The following KDELR2 variants were observed in gnomAD, a reference collection of about 807,000 sequenced individuals.
KDELR2 encodes the protein KDEL endoplasmic reticulum protein retention receptor 2, also known as ER lumen protein-retaining receptor 2.
Under a neutral mutation model 23.9 loss-of-function variants are expected in KDELR2, and 15 were observed. The observed-to-expected ratio is 0.63, with a 90% CI of 0.42 to 0.97. The LOEUF (loss-of-function observed/expected upper bound fraction) is 0.97, where lower values mean the gene tolerates loss of function less well. Ranked by LOEUF, KDELR2 falls within the 50% of genes least tolerant of loss-of-function variation. The pLI is 0.00. For missense variants in KDELR2, 272 were observed against 254.6 expected (o/e 1.07, Z -0.46); for synonymous variants, 119 against 106.2 (o/e 1.12, Z -0.74).
In KDELR2 at chr7:6,462,842, A is replaced by G. The variant is rs1222174212; in HGVS notation, c.*299T>C. 2.3e-6 allele frequency: 2 copies of G among 851,766 alleles called. No homozygotes were observed. The highest frequency in any genetic ancestry group is 3.6e-5 in the Admixed American group (1 of 28,002). The allele number at this position is 851,766 out of a possible 1,614,324, so 52.8% of individuals were successfully genotyped here. ...AAAAAAATTTGCACTTATTCCTCAC[A>G]AAATCTTCACTTTTGGAACTATCCC... On this transcript the variant is annotated 3_prime_UTR_variant, in exon 5 of 5. Transcript: ENST00000258739.
chr7:6,464,723 CTCTT>C (rs1289280847), intron 4 of KDELR2, among the ~76,000 whole-genome samples: 5 of 140,658 alleles, frequency 3.6e-5, no homozygotes, highest in Admixed American at 1.5e-4. Context: ...GACATATATG[CTCTT>C]TTTTTTCTTT....
At chr7:6,469,428 TG>T (rs1449027631) in intron 3 of KDELR2, among the ~76,000 whole-genome samples, 167 bp downstream of exon 3, 1 of 152,160 alleles carries the variant, frequency 6.6e-6, no homozygotes, top group African/African-American at 2.4e-5. Context: ...GCTAATTTTT[TG>T]TATTTTTAGT....
chr7:6,470,843 G>T (rs988634866), intron 2 of KDELR2, among the ~76,000 whole-genome samples: 2 of 152,022 alleles, frequency 1.3e-5, no homozygotes, highest in African/African-American at 4.8e-5. Flanking sequence ...GGCTGGGCAT[G>T]GTGGCTCACG....
At chr7:6,464,725 CTTT>C (rs946547515) in intron 4 of KDELR2, among the ~76,000 whole-genome samples, 1 of 123,430 alleles carries the variant, frequency 8.1e-6, no homozygotes, top group Admixed American at 8.6e-5. Flanking sequence ...CATATATGCT[CTTT>C]TTTTTCTTTT....
At chr7:6,466,379 G>C (rs910546329) in intron 3 of KDELR2, 56 bp from the exon 4 acceptor site, 18 of 1,590,030 alleles carry the variant, frequency 1.1e-5, no homozygotes, top group Non-Finnish European at 1.5e-5. Flanking sequence ...GGAGCTCAGA[G>C]GAAACACTCT....
chr7:6,480,174 G>C (rs1785858945), intron 1 of KDELR2, among the ~76,000 whole-genome samples: 1 of 152,172 alleles, frequency 6.6e-6, no homozygotes, highest in African/African-American at 2.4e-5. Context: ...TCTAGCTACA[G>C]TAGATACACA....
At chr7:6,482,317 T>A (rs1785917798) in intron 1 of KDELR2, 1 of 200,014 alleles carries the variant, frequency 5.0e-6, no homozygotes, top group African/African-American at 2.3e-5. Context: ...GTTATTTTAA[T>A]GACTACCTGG....
intron 2 of KDELR2, 104 bp from the exon 3 acceptor site, chr7:6,469,858 C>G: frequency 1.0e-6 from 1 of 1,000,664 alleles, no homozygotes; most frequent in African/African-American, 1.7e-5. Flanking sequence ...AGATTTTTTT[C>G]CTTAGCTTTG....
intron 4 of KDELR2, among the ~76,000 whole-genome samples, chr7:6,464,729 T>C (rs1345146684): frequency 2.4e-5 from 3 of 124,184 alleles, no homozygotes; most frequent in Non-Finnish European, 3.3e-5. Flanking sequence ...TATGCTCTTT[T>C]TTTTCTTTTT....
At chr7:6,474,332 A>C (rs71531394) in intron 1 of KDELR2, 48 bp from the exon 2 acceptor site, 54,835 of 1,284,366 alleles carry the variant, frequency 0.043, 1,517 homozygotes, top group Non-Finnish European at 0.048. Context: ...GAGCTTTGGG[A>C]TTCCTGTGGA....
intron 4 of KDELR2, among the ~76,000 whole-genome samples, chr7:6,464,755 GAC>G (rs1785465845): frequency 1.6e-5 from 2 of 126,620 alleles, no homozygotes; most frequent in Non-Finnish European, 3.3e-5. Context: ...TTTTTTTTGA[GAC>G]AGAGTTTTGC....
At chr7:6,465,425 C>T (rs1482410968) in intron 4 of KDELR2, among the ~76,000 whole-genome samples, 5 of 151,802 alleles carry the variant, frequency 3.3e-5, no homozygotes, top group Non-Finnish European at 7.4e-5. Flanking sequence ...CCTCATGATC[C>T]GCCCGCCTCG....
chr7:6,463,798 C>T (rs184344811), intron 4 of KDELR2, among the ~76,000 whole-genome samples: 9 of 150,812 alleles, frequency 6.0e-5, no homozygotes, highest in African/African-American at 1.5e-4. Context: ...AGGTAGCTCA[C>T]GCCTATACTT....
chr7:6,468,780 A>G (rs1310136716), intron 3 of KDELR2, among the ~76,000 whole-genome samples: 1 of 152,156 alleles, frequency 6.6e-6, no homozygotes, highest in East Asian at 1.9e-4. Flanking sequence ...CTGGGATTAC[A>G]GGCGTGAGCC....
chr7:6,465,430 G>A (rs891866232), intron 4 of KDELR2, among the ~76,000 whole-genome samples: 5 of 150,920 alleles, frequency 3.3e-5, no homozygotes, highest in African/African-American at 9.8e-5. Context: ...TGATCCGCCC[G>A]CCTCGGCCTC....
rs1298413343 is a variant in KDELR2 at position 6,469,582 on chromosome 7, C to G, written c.351+14G>C. The G allele has an allele frequency of 6.2e-7, 1 of 1,611,838 alleles. No individual in the cohort carries two copies. The highest frequency in any genetic ancestry group is 8.5e-7 in the Non-Finnish European group (1 of 1,179,166). Reference sequence around the variant, plus strand: ...AGCCACCATGCCTGGCCCTAAGTAACCTTTTAAACTAACCTCAAGAGGAGA... The same window carrying G: ...AGCCACCATGCCTGGCCCTAAGTAAGCTTTTAAACTAACCTCAAGAGGAGA... On this transcript the variant is annotated intron_variant, in intron 3 of 4. Coordinates refer to ENST00000258739, the MANE Select transcript of KDELR2 (RefSeq NM_006854.4).
At chr7:6,471,961 A>G (rs374857048) in intron 2 of KDELR2, among the ~76,000 whole-genome samples, 6 of 148,782 alleles carry the variant, frequency 4.0e-5, no homozygotes, top group African/African-American at 1.2e-4. Flanking sequence ...AGTGCAGTGG[A>G]GCAATCTCGG....
chr7:6,480,365 G>C (rs1333479612), intron 1 of KDELR2, among the ~76,000 whole-genome samples: 5 of 152,202 alleles, frequency 3.3e-5, no homozygotes, highest in Non-Finnish European at 7.3e-5. Flanking sequence ...GTGACAACTT[G>C]AGCATACCGT....
chr7:6,463,132 C>A lies in KDELR2; in HGVS notation c.*9G>T. ...CTGAAGGACAGATGCTGGTGATGGTCTTTGGCACTTATGCTGGCAAACTGA... is the reference window on the plus strand; with the variant it reads ...CTGAAGGACAGATGCTGGTGATGGTATTTGGCACTTATGCTGGCAAACTGA... On this transcript the variant is annotated 3_prime_UTR_variant, in exon 5 of 5. Transcript: ENST00000258739. 1 of 1,614,080 alleles carries A rather than the reference C, an allele frequency of 6.2e-7. No homozygotes were observed. Among genetic ancestry groups the A allele is most frequent in the Non-Finnish European group, 8.5e-7 (1 of 1,180,030 alleles).
Sources: gnomAD v4.1 joint callset for allele counts (sites outside exome capture counted in the v4.1 genomes callset) on GRCh38, gnomAD v4.1.1 for gene constraint, MANE v1.5 for transcripts, NCBI Gene and HGNC (gene_info 2026-07-23, HGNC 2026-07-21) for gene names.